The following GAS1 variants were observed in gnomAD, a reference collection of about 807,000 sequenced individuals.
GAS1 encodes growth arrest specific 1.
A neutral mutation model predicts 21.6 loss-of-function variants in GAS1; 10 were observed. That is an observed-to-expected ratio of 0.46 (90% CI 0.29 to 0.79). The LOEUF is 0.79. GAS1 is among the 30% of genes least tolerant of loss of function. The pLI is 0.10. For missense variants in GAS1, 567 were observed against 544.3 expected, an observed-to-expected ratio of 1.04 and a Z score of -0.42; for synonymous variants, 332 against 264.0, an observed-to-expected ratio of 1.26 and a Z score of -2.50.
chr9:86,946,265 C>T lies in GAS1; in HGVS notation c.515G>A (p.Arg172His), dbSNP rs1258090972. 2 of 1,553,386 alleles carry T rather than the reference C, an allele frequency of 1.3e-6. No homozygotes were observed. Among genetic ancestry groups the T allele is most frequent in the African/African-American group, 1.4e-5 (1 of 73,648 alleles). Residue 172 changes from arginine (R) to histidine (H), a missense_variant, in exon 1 of 1, where the codon CGC becomes CAC. Physicochemically the swap from Arg to His is conservative, Grantham distance 29. Coordinates refer to ENST00000298743, the MANE Select transcript of GAS1 (RefSeq NM_002048.3). This position sits in a 1 kb window ranked among gnomAD's most constrained non-coding sequence, Gnocchi z 5.2. ...GVMGCTEARR[R>H]CDRDSRCNLA... ...GTTGCAGCGGCTGTCGCGGTCGCAG[C>T]GCCGCCGGGCCTCGGTGCAGCCCAT...
At position 86,944,423 on chromosome 9, in the gene GAS1, T is replaced by A. The variant is rs901633551; in HGVS notation, c.*1319A>T. ...TAATAAAACAAATAACCAAAAAAAA[T>A]ACACAAATCCATAGTTATTTAAAAA... On this transcript the variant is annotated 3_prime_UTR_variant, in exon 1 of 1. Coordinates refer to ENST00000298743, the MANE Select transcript of GAS1 (RefSeq NM_002048.3). The A allele has an allele frequency of 2.0e-5, 3 of 151,946 alleles. No individual in the cohort carries two copies. Among genetic ancestry groups the A allele is most frequent in the Admixed American group, 6.6e-5 (1 of 15,264 alleles). 9.4% of individuals were successfully genotyped at this position (151,946 alleles called of 1,614,324 possible).
chr9:86,947,067 C>G lies in GAS1; in HGVS notation c.-288G>C. ...GGTGGTGGCGGGAGAGGCTCACTGT[C>G]GCCCCGGGGGGGTGCGGGCCGCGGG... On this transcript the variant is annotated 5_prime_UTR_variant, in exon 1 of 1. Coordinates refer to ENST00000298743, the MANE Select transcript of GAS1 (RefSeq NM_002048.3). 4.2e-6 allele frequency: 1 copy of G among 240,272 alleles called. No homozygotes were observed. The highest frequency in any genetic ancestry group is 8.5e-6 in the Non-Finnish European group (1 of 117,554). The allele number at this position is 240,272 out of a possible 1,614,324, so 14.9% of individuals were successfully genotyped here. A position where few individuals can be genotyped will look rare whatever the true frequency, so the allele number is the denominator to read the frequency against.
In GAS1 at chr9:86,945,788, G is replaced by C; in HGVS notation, c.992C>G (p.Thr331Ser). 6.6e-7 allele frequency: 1 copy of C among 1,522,786 alleles called. No homozygotes were observed. Among genetic ancestry groups the C allele is most frequent in the Non-Finnish European group, 8.8e-7 (1 of 1,136,036 alleles). The allele number at this position is 1,522,786 out of a possible 1,614,324, so 94.3% of individuals were successfully genotyped here. ...CAGCAGCAAGATGGAGGCGAGTGGGGTCCAGGCGCCCCGGGGCGCCAAGCG... is the reference window on the plus strand; with the variant it reads ...CAGCAGCAAGATGGAGGCGAGTGGGCTCCAGGCGCCCCGGGGCGCCAAGCG... Reference protein sequence around the residue: ...GGRLAPRGAWTPLASILLLLL... With the variant: ...GGRLAPRGAWSPLASILLLLL... Residue 331 changes from threonine (T) to serine (S), a missense_variant, in exon 1 of 1, where the codon ACC becomes AGC. Transcript: ENST00000298743.
chr9:86,945,900 G>A lies in GAS1; in HGVS notation c.880C>T (p.Pro294Ser), dbSNP rs1472926478. 2.6e-6 allele frequency: 4 copies of A among 1,532,280 alleles called. No homozygotes were observed. The African/African-American group carries it at 4.2e-5, about 16-fold the overall frequency. The allele number at this position is 1,532,280 out of a possible 1,614,324, so 94.9% of individuals were successfully genotyped here. ...LDDDDGVPHP[P>S]RPGSGAAASG... ...GCAGCAGCGCCGCTGCCCGGGCGCG[G>A]TGGGTGCGGGACGCCGTCGTCGTCG... Residue 294 changes from proline to serine, a missense_variant, in exon 1 of 1, where the codon CCG (proline) becomes TCG (serine). By Grantham distance (74) the Pro-to-Ser change is moderately conservative (BLOSUM62 -1). Transcript: ENST00000298743.
chr9:86,944,394 G>C lies in GAS1; in HGVS notation c.*1348C>G, dbSNP rs1276660976. The C allele has an allele frequency of 6.6e-6, 1 of 151,742 alleles. No individual in the cohort carries two copies. Among genetic ancestry groups the C allele is most frequent in the Non-Finnish European group, 1.5e-5 (1 of 67,994 alleles). The allele number at this position is 151,742 out of a possible 1,614,324, so 9.4% of individuals were successfully genotyped here. On this transcript the variant is annotated 3_prime_UTR_variant, in exon 1 of 1. Coordinates refer to ENST00000298743, the MANE Select transcript of GAS1 (RefSeq NM_002048.3). ...TTTAAAACTCTTTACTGATGTACAT[G>C]TTTTAATAAAACAAATAACCAAAAA...
At position 86,945,475 on chromosome 9, in the gene GAS1, G is replaced by T. The variant is rs979543096; in HGVS notation, c.*267C>A. 16 of 356,950 alleles carry T rather than the reference G, an allele frequency of 4.5e-5. No individual in the cohort carries two copies. Among genetic ancestry groups the T allele is most frequent in the Middle Eastern group, 7.3e-4 (1 of 1,372 alleles). The allele number at this position is 356,950 out of a possible 1,614,324, so 22.1% of individuals were successfully genotyped here. ...GAACACTGCAGCTAGCTTTCTGGAC[G>T]GCAGACGAGTTGGGAGTTTCTGGAG... is the stretch of plus-strand genomic sequence containing the variant. On this transcript the variant is annotated 3_prime_UTR_variant, in exon 1 of 1. Coordinates refer to ENST00000298743, the MANE Select transcript of GAS1 (RefSeq NM_002048.3).
chr9:86,945,849 A>G lies in GAS1; in HGVS notation c.931T>C (p.Tyr311His). ...CCGCTGCTCCTGCGCCCAGGCCCAT[A>G]GGGCAGGTCCCCGCGGCCGCCCGAT... Reference protein sequence around the residue: ...AASGGRGDLPYGPGRRSSGGG... With the variant: ...AASGGRGDLPHGPGRRSSGGG... Residue 311 changes from tyrosine to histidine, a missense_variant, in exon 1 of 1, where the codon TAT becomes CAT. Coordinates refer to ENST00000298743, the MANE Select transcript of GAS1 (RefSeq NM_002048.3). 6.7e-7 allele frequency: 1 copy of G among 1,487,614 alleles called. No homozygotes were observed. The highest frequency in any genetic ancestry group is 1.3e-5 in the South Asian group (1 of 75,524). The allele number at this position is 1,487,614 out of a possible 1,614,324, so 92.2% of individuals were successfully genotyped here.
In GAS1 at chr9:86,946,937, T is replaced by C. The variant is rs1825509267; in HGVS notation, c.-158A>G. On this transcript the variant is annotated 5_prime_UTR_variant, in exon 1 of 1. Coordinates refer to ENST00000298743, the MANE Select transcript of GAS1 (RefSeq NM_002048.3). The surrounding 1 kb of genome is among the most constrained non-coding windows in gnomAD (Gnocchi z 5.2). ...GCGCCGCTGGCTGATGCCCCGCTGG[T>C]GGCAGAAGGTCCCCTTTCGCTCTGG... 5.9e-6 allele frequency: 2 copies of C among 340,204 alleles called. No individual in the cohort carries two copies. Among genetic ancestry groups the C allele is most frequent in the Non-Finnish European group, 1.1e-5 (2 of 180,466 alleles). 21.1% of individuals were successfully genotyped at this position (340,204 alleles called of 1,614,324 possible).
In GAS1 at chr9:86,946,733, G is replaced by A. The variant is rs1400733341; in HGVS notation, c.47C>T (p.Thr16Ile). ...CAGGCACAGCCAGGCGCCCGGCACTGTCCCCCCGCGGGCCTCGCCGCCGCC... is the reference window on the plus strand; with the variant it reads ...CAGGCACAGCCAGGCGCCCGGCACTATCCCCCCGCGGGCCTCGCCGCCGCC... Reference protein sequence around the residue: ...LGGGGEARGGTVPGAWLCLMA... With the variant: ...LGGGGEARGGIVPGAWLCLMA... The change falls in exon 1 of 1, where the codon ACA becomes ATA. Residue 16 changes from threonine to isoleucine, a missense_variant. Physicochemically the swap from Thr to Ile is moderately conservative, Grantham distance 89. Transcript: ENST00000298743. This position sits in a 1 kb window ranked among gnomAD's most constrained non-coding sequence, Gnocchi z 5.2. The A allele has an allele frequency of 7.6e-7, 1 of 1,308,020 alleles. No individual in the cohort carries two copies. The highest frequency in any genetic ancestry group is 1.9e-5 in the South Asian group (1 of 53,646). 81.0% of individuals were successfully genotyped at this position (1,308,020 alleles called of 1,614,324 possible).
At position 86,946,165 on chromosome 9, in the gene GAS1, G is replaced by C. The variant is rs747776390; in HGVS notation, c.615C>G (p.Thr205=). Residue 205 remains threonine, a synonymous_variant, in exon 1 of 1, where the codon ACC becomes ACG. Coordinates refer to ENST00000298743, the MANE Select transcript of GAS1 (RefSeq NM_002048.3). The surrounding 1 kb of genome is among the most constrained non-coding windows in gnomAD (Gnocchi z 5.2). ...GCATAGCCAGCATGTCCTCAATGAC[G>C]GTGCGGCATTCGTCCGTGCAGCGCA... The part of the protein sequence containing the change: ...NGLRCTDECR[T]VIEDMLAMPK... The C allele has an allele frequency of 6.8e-6, 11 of 1,607,902 alleles. No individual in the cohort carries two copies. The highest frequency in any genetic ancestry group is 1.7e-5 in the Admixed American group (1 of 59,984).
Position 86,946,203 on chromosome 9 carries a change from CTT to C in GAS1, c.575_576del (p.Lys192SerfsTer16). 6.2e-7 allele frequency: 1 copy of C among 1,601,760 alleles called. No individual in the cohort carries two copies. The highest frequency in any genetic ancestry group is 8.5e-7 in the Non-Finnish European group (1 of 1,178,828). On this transcript the variant is annotated frameshift_variant, in exon 1 of 1. Coordinates refer to ENST00000298743, the MANE Select transcript of GAS1 (RefSeq NM_002048.3). LOFTEE classifies it high-confidence loss of function. The surrounding 1 kb of genome is among the most constrained non-coding windows in gnomAD (Gnocchi z 5.2). ...ALSRYLTYCG[K>X]VFNGLRCTDE... ...TCCGTGCAGCGCAGCCCGTTGAAGA[CTT>C]TGCCGCAGTAGGTCAGGTAGCGGCT...
Position 86,946,534 on chromosome 9 carries a change from GC to G in GAS1, c.245del (p.Gly82AlafsTer102), listed in dbSNP as rs1404334991. 1 of 1,402,382 alleles carries G rather than the reference GC, an allele frequency of 7.1e-7. No individual in the cohort carries two copies. Among genetic ancestry groups the G allele is most frequent in the Non-Finnish European group, 9.2e-7 (1 of 1,081,904 alleles). 86.9% of individuals were successfully genotyped at this position (1,402,382 alleles called of 1,614,324 possible). ...CAPVLAQHGG[G>X]DAPGAAAAAF... The stretch of plus-strand genomic sequence containing the variant: ...CGGCGGCGGCGGCCCCGGGCGCGTC[GC>G]CCCCGCCGTGCTGCGCCAGCACCGG... On this transcript the variant is annotated frameshift_variant, in exon 1 of 1. Transcript: ENST00000298743. LOFTEE classifies it high-confidence loss of function. This position sits in a 1 kb window ranked among gnomAD's most constrained non-coding sequence, Gnocchi z 5.2.
In GAS1 at chr9:86,945,777, A is replaced by T; in HGVS notation, c.1003T>A (p.Ser335Thr). 2 of 1,491,592 alleles carry T rather than the reference A, an allele frequency of 1.3e-6. No homozygotes were observed. Among genetic ancestry groups the T allele is most frequent in the South Asian group, 1.2e-5 (1 of 81,712 alleles). 92.4% of individuals were successfully genotyped at this position (1,491,592 alleles called of 1,614,324 possible). A position where few individuals can be genotyped will look rare whatever the true frequency, so the allele number is the denominator to read the frequency against. ...GGCCCAAGCAGCAGCAGCAAGATGG[A>T]GGCGAGTGGGGTCCAGGCGCCCCGG... The part of the protein sequence containing the change: ...APRGAWTPLA[S>T]ILLLLLGPLF The change falls in exon 1 of 1, where the codon TCC (serine) becomes ACC (threonine). Residue 335 changes from serine (S) to threonine (T), a missense_variant. Transcript: ENST00000298743.
rs981927518 is a variant in GAS1 at position 86,945,836 on chromosome 9, C to T, written c.944G>A (p.Arg315His). 5 of 1,505,642 alleles carry T rather than the reference C, an allele frequency of 3.3e-6. No homozygotes were observed. Among genetic ancestry groups the T allele is most frequent in the Admixed American group, 2.2e-5 (1 of 45,710 alleles). 93.3% of individuals were successfully genotyped at this position (1,505,642 alleles called of 1,614,324 possible). A position where few individuals can be genotyped will look rare whatever the true frequency, so the allele number is the denominator to read the frequency against. The change falls in exon 1 of 1, where the codon CGC (arginine) becomes CAC (histidine). Residue 315 changes from arginine (R) to histidine (H), a missense_variant. Transcript: ENST00000298743. The stretch of plus-strand genomic sequence containing the variant: ...GCGGCCGCCGCCGCCGCTGCTCCTG[C>T]GCCCAGGCCCATAGGGCAGGTCCCC... ...GRGDLPYGPG[R>H]RSSGGGGRLA...
Position 86,946,634 on chromosome 9 carries a change from C to G in GAS1, c.146G>C (p.Trp49Ser). 1 of 1,449,328 alleles carries G rather than the reference C, an allele frequency of 6.9e-7. No individual in the cohort carries two copies. Among genetic ancestry groups the G allele is most frequent in the Non-Finnish European group, 9.1e-7 (1 of 1,103,180 alleles). The allele number at this position is 1,449,328 out of a possible 1,614,324, so 89.8% of individuals were successfully genotyped here. Residue 49 changes from tryptophan (W) to serine (S), a missense_variant, in exon 1 of 1, where the codon TGG becomes TCG. Trp to Ser is a radical substitution (Grantham distance 177, BLOSUM62 -3). Transcript: ENST00000298743. This position sits in a 1 kb window ranked among gnomAD's most constrained non-coding sequence, Gnocchi z 5.2. ...CCCCTGGCACTGCAGCAGCGCCTGC[C>G]AGCAGATGAGGCGGCGGCCGTGCGC... ...GLAHGRRLIC[W>S]QALLQCQGEP...
At position 86,946,305 on chromosome 9, in the gene GAS1, C is replaced by T; in HGVS notation, c.475G>A (p.Gly159Ser). The T allele has an allele frequency of 1.4e-6, 2 of 1,403,838 alleles. No homozygotes were observed. The highest frequency in any genetic ancestry group is 1.6e-5 in the South Asian group (1 of 64,280). 87.0% of individuals were successfully genotyped at this position (1,403,838 alleles called of 1,614,324 possible). A position where few individuals can be genotyped will look rare whatever the true frequency, so the allele number is the denominator to read the frequency against. The stretch of plus-strand genomic sequence containing the variant: ...GTGCAGCCCATGACCCCGCCCGCGC[C>T]GGGGCCGCCCGCGCCGCCGCCGCTC... The part of the protein sequence containing the change: ...RTSGGGAGGP[G>S]AGGVMGCTEA... The change falls in exon 1 of 1, where the codon GGC becomes AGC. Residue 159 changes from glycine (G) to serine (S), a missense_variant. By Grantham distance (56) the Gly-to-Ser change is moderately conservative. Coordinates refer to ENST00000298743, the MANE Select transcript of GAS1 (RefSeq NM_002048.3). The surrounding 1 kb of genome is among the most constrained non-coding windows in gnomAD (Gnocchi z 5.2).
Position 86,946,844 on chromosome 9 carries a change from C to T in GAS1, c.-65G>A. ...GACGAGGCGCGGGGAGCGGCGGACG[C>T]GGAGCCGGTGGAAAAGTTTGTCCAA... is the stretch of plus-strand genomic sequence containing the variant. On this transcript the variant is annotated 5_prime_UTR_variant, in exon 1 of 1. Coordinates refer to ENST00000298743, the MANE Select transcript of GAS1 (RefSeq NM_002048.3). This position sits in a 1 kb window ranked among gnomAD's most constrained non-coding sequence, Gnocchi z 5.2. 4.3e-6 allele frequency: 2 copies of T among 464,294 alleles called. No individual in the cohort carries two copies. The highest frequency in any genetic ancestry group is 7.4e-6 in the Non-Finnish European group (2 of 270,742). The allele number at this position is 464,294 out of a possible 1,614,324, so 28.8% of individuals were successfully genotyped here. A position where few individuals can be genotyped will look rare whatever the true frequency, so the allele number is the denominator to read the frequency against.
rs2118608232 is a variant in GAS1 at position 86,946,538 on chromosome 9, C to T, written c.242G>A (p.Gly81Glu). Residue 81 changes from glycine to glutamate, a missense_variant, in exon 1 of 1, where the codon GGG becomes GAG. By Grantham distance (98) the Gly-to-Glu change is moderately conservative (BLOSUM62 -2). Transcript: ENST00000298743. This position sits in a 1 kb window ranked among gnomAD's most constrained non-coding sequence, Gnocchi z 5.2. Reference sequence around the variant, plus strand: ...GGCGGCGGCCCCGGGCGCGTCGCCCCCGCCGTGCTGCGCCAGCACCGGCGC... The same window carrying T: ...GGCGGCGGCCCCGGGCGCGTCGCCCTCGCCGTGCTGCGCCAGCACCGGCGC... ...ACAPVLAQHG[G>E]GDAPGAAAAA... 6 of 1,409,972 alleles carry T rather than the reference C, an allele frequency of 4.3e-6. No homozygotes were observed. Among genetic ancestry groups the T allele is most frequent in the East Asian group, 3.1e-5 (1 of 31,812 alleles). 87.3% of individuals were successfully genotyped at this position (1,409,972 alleles called of 1,614,324 possible).
At position 86,945,832 on chromosome 9, in the gene GAS1, C is replaced by A. The variant is rs764497889; in HGVS notation, c.948G>T (p.Arg316Ser). ...RGDLPYGPGR[R>S]SSGGGGRLAP... ...CCAAGCGGCCGCCGCCGCCGCTGCT[C>A]CTGCGCCCAGGCCCATAGGGCAGGT... Residue 316 changes from arginine (R) to serine (S), a missense_variant, in exon 1 of 1, where the codon AGG (arginine) becomes AGT (serine). Arg to Ser is a moderately radical substitution (Grantham distance 110). Transcript: ENST00000298743. 3 of 1,513,790 alleles carry A rather than the reference C, an allele frequency of 2.0e-6. No individual in the cohort carries two copies. The South Asian group carries it at 3.7e-5, about 19-fold the overall frequency. The allele number at this position is 1,513,790 out of a possible 1,614,324, so 93.8% of individuals were successfully genotyped here. A position where few individuals can be genotyped will look rare whatever the true frequency, so the allele number is the denominator to read the frequency against.
Sources: allele counts gnomAD v4.1 joint callset, GRCh38; gene constraint gnomAD v4.1.1; non-coding constraint Gnocchi (gnomAD v3.1); transcripts MANE v1.5; gene names NCBI Gene and HGNC (gene_info 2026-07-23, HGNC 2026-07-21).